FBXW4: variants seen among roughly 807,000 people sequenced by gnomAD.
FBXW4 encodes the protein F-box and WD repeat domain containing 4, also known as F-box/WD repeat-containing protein 4.
Under a neutral mutation model 61.8 loss-of-function variants are expected in FBXW4, and 40 were observed. That is an observed-to-expected ratio of 0.65 (90% CI 0.50 to 0.84). The LOEUF is 0.84. Among genes scored for constraint, FBXW4 ranks in the 40% least tolerant of loss-of-function variants. The probability of loss-of-function intolerance (pLI) is 0.00; values close to 1 mark genes in which losing one functional copy is unlikely to be tolerated. For missense variants in FBXW4, 672 were observed against 753.8 expected (o/e 0.89, Z 1.27); for synonymous variants, 311 against 313.8 (o/e 0.99, Z 0.10).
At chr10:101,635,895 G>C (rs1323866821) in intron 5 of FBXW4, among the ~76,000 whole-genome samples, 2 of 151,588 alleles carry the variant, frequency 1.3e-5, no homozygotes, top group African/African-American at 4.8e-5. Flanking sequence ...TCCTGCCTTG[G>C]AGCCCACTTC....
At chr10:101,650,878 T>C (rs77979640) in intron 5 of FBXW4, among the ~76,000 whole-genome samples, 114 of 152,246 alleles carry the variant, frequency 7.5e-4, no homozygotes, top group African/African-American at 2.6e-3. Flanking sequence ...ACACATCGGA[T>C]ACAAAGATCG....
chr10:101,676,075 A>C (rs2064404653), intron 2 of FBXW4, among the ~76,000 whole-genome samples: 1 of 152,056 alleles, frequency 6.6e-6, no homozygotes, highest in Non-Finnish European at 1.5e-5. Context: ...CTTCTTTAGA[A>C]TTTTCTTTTT....
intron 1 of FBXW4, among the ~76,000 whole-genome samples, chr10:101,691,681 A>G (rs2064605520): frequency 6.6e-6 from 1 of 152,218 alleles, no homozygotes; most frequent in South Asian, 2.1e-4. Flanking sequence ...CTCTATATGA[A>G]GAGAGAGAAA....
At chr10:101,672,843 A>T in intron 4 of FBXW4, 72 bp downstream of exon 4, 1 of 1,546,902 alleles carries the variant, frequency 6.5e-7, no homozygotes, top group Non-Finnish European at 8.8e-7. Context: ...CAATCCTGAG[A>T]CTCAGGGATC....
In FBXW4 at chr10:101,611,959, C is replaced by T. The variant is rs1411156298; in HGVS notation, c.1443-190G>A. Among the ~76,000 whole-genome samples, 1 of 152,246 alleles carries T rather than the reference C, an allele frequency of 6.6e-6. No individual in the cohort carries two copies. Among genetic ancestry groups the T allele is most frequent in the Non-Finnish European group, 1.5e-5 (1 of 68,050 alleles). On this transcript the variant is annotated intron_variant, in intron 7 of 8. Coordinates refer to ENST00000331272, the MANE Select transcript of FBXW4 (RefSeq NM_022039.4). This position sits in a 1 kb window ranked among gnomAD's most constrained non-coding sequence, Gnocchi z 4.9. ...GAAAGCATCTTCTGTAGAGGGCTCT[C>T]GCCATGGCCCAGACGACACAGCAGA...
chr10:101,656,013 C>G (rs544776444), intron 5 of FBXW4, among the ~76,000 whole-genome samples: 11 of 152,172 alleles, frequency 7.2e-5, no homozygotes, highest in Non-Finnish European at 1.5e-4. Context: ...TTCACTTTAC[C>G]TCACACATCT....
intron 5 of FBXW4, among the ~76,000 whole-genome samples, chr10:101,652,490 T>A (rs1044175484): frequency 2.0e-5 from 3 of 151,864 alleles, no homozygotes; most frequent in Non-Finnish European, 4.4e-5. Context: ...TTTTGTGAGC[T>A]GAGGGGGGAA....
intron 2 of FBXW4, 32 bp from the exon 3 acceptor site, chr10:101,673,705 A>G (rs1265840439): frequency 6.2e-7 from 1 of 1,602,166 alleles, no homozygotes; most frequent in Non-Finnish European, 8.5e-7. Flanking sequence ...TTTAAAAGTC[A>G]TCAAGATACA....
intron 3 of FBXW4, among the ~76,000 whole-genome samples, 169 bp downstream of exon 3, chr10:101,673,319 C>T (rs1345651555): frequency 2.6e-5 from 4 of 152,192 alleles, no homozygotes; most frequent in Non-Finnish European, 5.9e-5. Context: ...TTTCCTTCTC[C>T]AGCTAACCCT....
intron 2 of FBXW4, among the ~76,000 whole-genome samples, chr10:101,675,489 C>T (rs865940392): frequency 7.3e-6 from 1 of 137,642 alleles, no homozygotes; most frequent in African/African-American, 2.4e-5. Flanking sequence ...CATAAAAATC[C>T]GTCTTTCTCT....
rs545163410 is a variant in FBXW4, at chr10:101,665,306, G to A, written c.1235+2580C>T. 5.9e-5 allele frequency among the ~76,000 whole-genome samples: 9 copies of A among 152,254 alleles called. No individual in the cohort carries two copies. In the South Asian group the frequency reaches 1.9e-3, roughly 32 times the overall value. ...CTCCAAGACCTCAATTCTGGAGTTA[G>A]GGGAAGACCATCTTAAAAACTGTTG... On this transcript the variant is annotated intron_variant, in intron 5 of 8. Transcript: ENST00000331272.
chr10:101,612,373 G>T lies in FBXW4; in HGVS notation c.1406C>A (p.Thr469Asn). ...GCGGAGGTCCCAGTAGCGAACATAG[G>T]TGTCATAGCCACAGGACAGCAGTGT... is the stretch of plus-strand genomic sequence containing the variant. ...PFTLLSCGYD[T>N]YVRYWDLRTS... Residue 469 changes from threonine (T) to asparagine (N), a missense_variant, in exon 7 of 9, where the codon ACC becomes AAC. Physicochemically the swap from Thr to Asn is moderately conservative, Grantham distance 65. This residue lies in a region of FBXW4 where 312 missense variants were observed against 370.1 expected (regional missense o/e 0.84). Coordinates refer to ENST00000331272, the MANE Select transcript of FBXW4 (RefSeq NM_022039.4). The T allele has an allele frequency of 1.3e-6, 2 of 1,593,918 alleles. No homozygotes were observed. The highest frequency in any genetic ancestry group is 1.7e-6 in the Non-Finnish European group (2 of 1,169,338).
chr10:101,655,694 A>G (rs984881336), intron 5 of FBXW4, among the ~76,000 whole-genome samples: 3 of 152,248 alleles, frequency 2.0e-5, no homozygotes, highest in African/African-American at 7.2e-5. Flanking sequence ...TAGCAGGAGA[A>G]GGAAACACCC....
intron 5 of FBXW4, among the ~76,000 whole-genome samples, chr10:101,634,766 T>C (rs1436067052): frequency 1.3e-5 from 2 of 148,828 alleles, no homozygotes; most frequent in African/African-American, 2.5e-5. Flanking sequence ...ATTTTTAAAC[T>C]GTATGAAAAC....
chr10:101,674,986 C>A (rs1477798515), intron 2 of FBXW4, among the ~76,000 whole-genome samples: 1 of 152,236 alleles, frequency 6.6e-6, no homozygotes, highest in Non-Finnish European at 1.5e-5. Flanking sequence ...CCAAGAACAG[C>A]CACCATCTCC....
chr10:101,656,207 A>C (rs569820021), intron 5 of FBXW4, among the ~76,000 whole-genome samples: 7 of 152,320 alleles, frequency 4.6e-5, no homozygotes, highest in Admixed American at 2.0e-4. Context: ...GCAGCTAGAA[A>C]GAAACCAGTC....
At chr10:101,691,455 G>C (rs1008706759) in intron 1 of FBXW4, among the ~76,000 whole-genome samples, 2 of 152,100 alleles carry the variant, frequency 1.3e-5, no homozygotes, top group African/African-American at 2.4e-5. Flanking sequence ...TAGAAGGCCA[G>C]GACACCTTAC....
intron 5 of FBXW4, among the ~76,000 whole-genome samples, chr10:101,640,640 T>A (rs1482340752): frequency 1.3e-5 from 2 of 150,718 alleles, no homozygotes; most frequent in African/African-American, 4.9e-5. Context: ...TACAGGCATG[T>A]GCTACCATCC....
rs935737716 is a variant in FBXW4 at position 101,629,431 on chromosome 10, G to A, written c.1236-4621C>T. Among the ~76,000 whole-genome samples the A allele has an allele frequency of 1.2e-4, 18 of 152,036 alleles. No individual in the cohort carries two copies. In the East Asian group the frequency reaches 2.7e-3, roughly 23 times the overall value. ...CCCCAGTAGCTGAGTTAACAGGTGC[G>A]CACCACCACGCCTGGCTAATTTTTG... On this transcript the variant is annotated intron_variant, in intron 5 of 8. Transcript: ENST00000331272.
Sources: allele counts gnomAD v4.1 joint callset (sites outside exome capture counted in the v4.1 genomes callset), GRCh38; gene constraint gnomAD v4.1.1; regional missense constraint gnomAD v4.1.1; non-coding constraint Gnocchi (gnomAD v3.1); transcripts MANE v1.5; gene names NCBI Gene and HGNC (gene_info 2026-07-23, HGNC 2026-07-21).